The following AGAP1 variants were observed in gnomAD, a reference collection of about 807,000 sequenced individuals.
The protein encoded by AGAP1 is ArfGAP with GTPase domain, ankyrin repeat and PH domain 1.
AGAP1 carries 29 observed loss-of-function variants against 105.3 expected under a neutral mutation model. That is an observed-to-expected ratio of 0.28 (90% confidence interval 0.21 to 0.38). The LOEUF is 0.38. Ranked by LOEUF, AGAP1 falls within the 10% of genes least tolerant of loss-of-function variation. AGAP1 has a pLI of 1.00. For missense variants in AGAP1, 998 were observed against 1,165.1 expected (o/e 0.86, Z 2.09); for synonymous variants, 509 against 485.9 (o/e 1.05, Z -0.63).
chr2:235,857,606 G>C (rs1339279923), intron 9 of AGAP1, among the ~76,000 whole-genome samples: 4 of 152,176 alleles, frequency 2.6e-5, no homozygotes, highest in Admixed American at 6.5e-5. Context: ...TGCATTGCAT[G>C]TCACATGTAT....
intron 1 of AGAP1, among the ~76,000 whole-genome samples, chr2:235,571,197 A>G (rs1390846397): frequency 6.6e-6 from 1 of 152,196 alleles, no homozygotes; most frequent in Non-Finnish European, 1.5e-5. Flanking sequence ...GATCCACCCC[A>G]TGATCCAGTC....
In AGAP1 at chr2:235,750,720, G is replaced by A. The variant is rs1000543358; in HGVS notation, c.673+232G>A. ...ATGGCTTGAGAACAGCCTGGTGTTG[G>A]GTCTGTGTGTCTCCTATGGGGCCTT... is the stretch of plus-strand genomic sequence containing the variant. On this transcript the variant is annotated intron_variant, in intron 6 of 17. Transcript: ENST00000304032. This position sits in a 1 kb window ranked among gnomAD's most constrained non-coding sequence, Gnocchi z 5.3. Among the ~76,000 whole-genome samples the A allele has an allele frequency of 2.0e-5, 3 of 152,154 alleles. No individual in the cohort carries two copies. The highest frequency in any genetic ancestry group is 7.2e-5 in the African/African-American group (3 of 41,434).
chr2:235,505,138 C>A (rs1347728283), intron 1 of AGAP1, among the ~76,000 whole-genome samples: 1 of 152,226 alleles, frequency 6.6e-6, no homozygotes, highest in African/African-American at 2.4e-5. Context: ...GGAATTCACT[C>A]TGTATGTTTG....
rs1337155105 is a variant in AGAP1, at chr2:235,807,339, G to A, written c.1050+8G>A. On this transcript the variant is annotated splice_region_variant and intron_variant, in intron 9 of 17. Transcript: ENST00000304032. ...GCCATCCCAATTAAACAGGTGAGCA[G>A]CCTCCCCATCCTTCCCTCCCTGTCG... 7.6e-6 allele frequency: 12 copies of A among 1,581,204 alleles called. No homozygotes were observed. In the Admixed American group the frequency reaches 1.2e-4, roughly 16 times the overall value.
At chr2:235,619,041 G>T (rs1946392984) in intron 1 of AGAP1, among the ~76,000 whole-genome samples, 1 of 152,144 alleles carries the variant, frequency 6.6e-6, no homozygotes, top group Admixed American at 6.5e-5. Context: ...AAGGAATGGG[G>T]GAGAGCGCTA....
In AGAP1 at chr2:235,767,880, G is replaced by A. The variant is rs191458145; in HGVS notation, c.673+17392G>A. 3.4e-5 allele frequency among the ~76,000 whole-genome samples: 5 copies of A among 148,632 alleles called. No individual in the cohort carries two copies. In the East Asian group the frequency reaches 1.0e-3, roughly 31 times the overall value. ...ACTCACTGCAACCTCCGCCTCCGAGGTTCAAGCAATTCTCCTGCCTCAGCC... is the reference window on the plus strand; with the variant it reads ...ACTCACTGCAACCTCCGCCTCCGAGATTCAAGCAATTCTCCTGCCTCAGCC... On this transcript the variant is annotated intron_variant, in intron 6 of 17. Transcript: ENST00000304032.
At chr2:236,021,951 C>T (rs1409280819) in intron 13 of AGAP1, among the ~76,000 whole-genome samples, 4 of 147,326 alleles carry the variant, frequency 2.7e-5, no homozygotes, top group East Asian at 2.1e-4. Context: ...CCCAGCTACT[C>T]GGGAGGCTGA....
chr2:236,002,927 G>T lies in AGAP1; in HGVS notation c.1646-33634G>T, dbSNP rs1229818491. Among the ~76,000 whole-genome samples, 1 of 152,064 alleles carries T rather than the reference G, an allele frequency of 6.6e-6. No homozygotes were observed. The highest frequency in any genetic ancestry group is 1.5e-5 in the Non-Finnish European group (1 of 68,006). ...GGAGGGCCGGGGTCGCTGGGTTCCA[G>T]GCGCAGCCATGAGACACCTGCTCTG... On this transcript the variant is annotated intron_variant, in intron 13 of 17. Transcript: ENST00000304032. This position sits in a 1 kb window ranked among gnomAD's most constrained non-coding sequence, Gnocchi z 4.3.
chr2:235,763,050 G>GTA (rs202086519), intron 6 of AGAP1, among the ~76,000 whole-genome samples: 2 of 134,312 alleles, frequency 1.5e-5, no homozygotes, highest in Non-Finnish European at 3.3e-5. Context: ...GTGTGTGTGT[G>GTA]TATGTGTGCG....
At chr2:235,770,551 G>A (rs1004608988) in intron 6 of AGAP1, among the ~76,000 whole-genome samples, 4 of 152,098 alleles carry the variant, frequency 2.6e-5, no homozygotes, top group East Asian at 1.9e-4. Flanking sequence ...TGGGGGCTCC[G>A]GAGGGTTCCT....
In AGAP1 at chr2:235,864,970, A is replaced by T. The variant is rs1321455678; in HGVS notation, c.1051-18375A>T. Among the ~76,000 whole-genome samples, 1 of 152,182 alleles carries T rather than the reference A, an allele frequency of 6.6e-6. No individual in the cohort carries two copies. The highest frequency in any genetic ancestry group is 2.4e-5 in the African/African-American group (1 of 41,440). ...TACTCATCGTCAACATGGGTTTTTA[A>T]AAGGGAAGGAGAGAAACACAACAAA... On this transcript the variant is annotated intron_variant, in intron 9 of 17. Transcript: ENST00000304032. This position sits in a 1 kb window ranked among gnomAD's most constrained non-coding sequence, Gnocchi z 5.0.
At chr2:235,742,111 C>G (rs184301860) in intron 4 of AGAP1, among the ~76,000 whole-genome samples, 1 of 152,288 alleles carries the variant, frequency 6.6e-6, no homozygotes, top group South Asian at 2.1e-4. Flanking sequence ...CAAATGCAAA[C>G]GGAATGTCAG....
intron 13 of AGAP1, among the ~76,000 whole-genome samples, chr2:236,034,246 G>A (rs1283492879): frequency 1.3e-5 from 2 of 151,942 alleles, no homozygotes; most frequent in African/African-American, 4.8e-5. Flanking sequence ...GTACTTGCAC[G>A]ATATCATTGT....
At chr2:235,565,254 G>T (rs1290825533) in intron 1 of AGAP1, among the ~76,000 whole-genome samples, 2 of 152,212 alleles carry the variant, frequency 1.3e-5, no homozygotes, top group Non-Finnish European at 2.9e-5. Context: ...TGTGAGCCAG[G>T]AGCATCTTCG....
intron 6 of AGAP1, among the ~76,000 whole-genome samples, chr2:235,758,422 T>C (rs1362295853): frequency 6.6e-6 from 1 of 152,136 alleles, no homozygotes; most frequent in Non-Finnish European, 1.5e-5. Context: ...CAGAGGTACA[T>C]GGTGCAGCTG....
Position 236,055,124 on chromosome 2 carries a change from TG to T in AGAP1, c.2114+5847del, listed in dbSNP as rs1456141603. Among the ~76,000 whole-genome samples, 10 of 152,344 alleles carry T rather than the reference TG, an allele frequency of 6.6e-5. No homozygotes were observed. The highest frequency in any genetic ancestry group is 2.4e-4 in the African/African-American group (10 of 41,582). ...GTGCTCTTCTTTCAATTAAGTTCTC[TG>T]GGGCTTAATGGTATGAATAAACTCC... On this transcript the variant is annotated intron_variant, in intron 16 of 17. Transcript: ENST00000304032. The surrounding 1 kb of genome is among the most constrained non-coding windows in gnomAD (Gnocchi z 6.2).
At chr2:236,075,375 C>T (rs948314861) in intron 16 of AGAP1, among the ~76,000 whole-genome samples, 17 of 152,092 alleles carry the variant, frequency 1.1e-4, no homozygotes, top group African/African-American at 3.9e-4. Flanking sequence ...ATCCCCACCC[C>T]CAAGGGCTCC....
intron 6 of AGAP1, among the ~76,000 whole-genome samples, chr2:235,767,244 T>C (rs1955036839): frequency 6.7e-6 from 1 of 150,004 alleles, no homozygotes; most frequent in African/African-American, 2.4e-5. Flanking sequence ...ATAAATGGAC[T>C]TATTATTTAG....
intron 12 of AGAP1, among the ~76,000 whole-genome samples, chr2:235,950,441 C>T (rs988862065): frequency 4.6e-5 from 7 of 151,816 alleles, no homozygotes; most frequent in Non-Finnish European, 1.0e-4. Flanking sequence ...TGGGAACCTG[C>T]AGGAGTTGCA....
Sources: allele counts gnomAD v4.1 joint callset (sites outside exome capture counted in the v4.1 genomes callset), GRCh38; gene constraint gnomAD v4.1.1; non-coding constraint Gnocchi (gnomAD v3.1); transcripts MANE v1.5; gene names NCBI Gene and HGNC (gene_info 2026-07-23, HGNC 2026-07-21).